GPC6: variants seen among roughly 807,000 people sequenced by gnomAD.
GPC6 encodes glypican-6.
Under a neutral mutation model 55.2 loss-of-function variants are expected in GPC6, and 14 were observed. The ratio of observed to expected loss-of-function variants is 0.25; its 90% CI spans 0.17 to 0.40. The LOEUF is 0.40. Among genes scored for constraint, GPC6 ranks in the 10% least tolerant of loss-of-function variants. The pLI is 1.00. For synonymous variants in GPC6, 278 were observed against 259.6 expected (o/e 1.07, Z -0.68); for missense variants, 641 against 708.5 (o/e 0.90, Z 1.08).
chr13:94,015,843 A>G (rs1260308736), intron 3 of GPC6, among the ~76,000 whole-genome samples: 4 of 152,090 alleles, frequency 2.6e-5, no homozygotes, highest in African/African-American at 2.4e-5. Flanking sequence ...TCTCAGTTCT[A>G]TTTCACTGAT....
At chr13:93,681,741 C>A (rs903745633) in intron 2 of GPC6, among the ~76,000 whole-genome samples, 15 of 152,100 alleles carry the variant, frequency 9.9e-5, no homozygotes, top group African/African-American at 3.6e-4. Context: ...AGAATATGAG[C>A]TGACTTATTG....
Position 94,320,463 on chromosome 13 carries a change from T to C in GPC6, c.1152+14340T>C, listed in dbSNP as rs1876761793. On this transcript the variant is annotated intron_variant, in intron 6 of 8. Transcript: ENST00000377047. ...GTTGTGGGTTTTTTTTGTGTGAGTTTATATTCCTTGGAAATTAATCAATGG... is the reference window on the plus strand; with the variant it reads ...GTTGTGGGTTTTTTTTGTGTGAGTTCATATTCCTTGGAAATTAATCAATGG... 2.0e-5 allele frequency among the ~76,000 whole-genome samples: 3 copies of C among 152,212 alleles called. No individual in the cohort carries two copies. In the South Asian group the frequency reaches 6.2e-4, roughly 32 times the overall value.
At chr13:93,927,395 A>G (rs943743965) in intron 3 of GPC6, among the ~76,000 whole-genome samples, 1 of 152,146 alleles carries the variant, frequency 6.6e-6, no homozygotes, top group Non-Finnish European at 1.5e-5. Flanking sequence ...AAACTTCTTG[A>G]GGTTAACTTG....
At chr13:94,191,121 C>G (rs988298242) in intron 4 of GPC6, among the ~76,000 whole-genome samples, 4 of 152,160 alleles carry the variant, frequency 2.6e-5, no homozygotes, top group African/African-American at 9.7e-5. Context: ...TTTCTTTAAG[C>G]TGCAACGATG....
At chr13:93,837,797 A>G (rs561352492) in intron 3 of GPC6, among the ~76,000 whole-genome samples, 1 of 152,284 alleles carries the variant, frequency 6.6e-6, no homozygotes, top group Non-Finnish European at 1.5e-5. Flanking sequence ...TCCTTGAACC[A>G]TGTGTTAAAG....
At chr13:94,083,339 C>G (rs767292252) in intron 4 of GPC6, among the ~76,000 whole-genome samples, 4 of 152,128 alleles carry the variant, frequency 2.6e-5, no homozygotes, top group Non-Finnish European at 5.9e-5. Context: ...AGGATGGTCT[C>G]GATCTCCTGA....
At chr13:93,915,398 T>C (rs1860829019) in intron 3 of GPC6, among the ~76,000 whole-genome samples, 2 of 152,204 alleles carry the variant, frequency 1.3e-5, no homozygotes, top group Admixed American at 6.5e-5. Context: ...CTTTTCCCTG[T>C]ACACGTCAGC....
intron 4 of GPC6, among the ~76,000 whole-genome samples, chr13:94,180,961 A>G (rs1241373778): frequency 6.6e-6 from 1 of 152,152 alleles, no homozygotes; most frequent in Non-Finnish European, 1.5e-5. Context: ...TTTATCAAGC[A>G]TCAGAAGCAG....
At chr13:94,312,707 C>T (rs1277068959) in intron 6 of GPC6, among the ~76,000 whole-genome samples, 3 of 129,112 alleles carry the variant, frequency 2.3e-5, no homozygotes, top group African/African-American at 8.8e-5. Flanking sequence ...AAGACACACA[C>T]GCACACGCGC....
intron 2 of GPC6, among the ~76,000 whole-genome samples, chr13:93,767,628 T>G (rs192007997): frequency 6.6e-6 from 1 of 152,240 alleles, no homozygotes; most frequent in East Asian, 1.9e-4. Flanking sequence ...TGATGCAAAT[T>G]AAGCACATAC....
intron 4 of GPC6, among the ~76,000 whole-genome samples, chr13:94,120,403 C>A (rs528216053): frequency 1.1e-3 from 162 of 152,162 alleles, no homozygotes; most frequent in African/African-American, 3.8e-3. Context: ...TGATCCTGGC[C>A]TTAGTCACTT....
chr13:93,792,169 C>T (rs1161392108), intron 2 of GPC6, among the ~76,000 whole-genome samples: 1 of 152,254 alleles, frequency 6.6e-6, no homozygotes, highest in Admixed American at 6.5e-5. Flanking sequence ...AAAGCCCCAC[C>T]TTGCCTTCAT....
chr13:93,959,246 T>A (rs1289845239), intron 3 of GPC6, among the ~76,000 whole-genome samples: 3 of 150,800 alleles, frequency 2.0e-5, no homozygotes, highest in Admixed American at 6.6e-5. Flanking sequence ...CACTGCAACC[T>A]CCGCCTCCCG....
chr13:94,005,936 G>GT (rs1191903693), intron 3 of GPC6, among the ~76,000 whole-genome samples: 1 of 152,018 alleles, frequency 6.6e-6, no homozygotes, highest in Admixed American at 6.6e-5. Context: ...TTTAAAAAAA[G>GT]ACTTATTGTA....
intron 2 of GPC6, among the ~76,000 whole-genome samples, chr13:93,633,251 C>T (rs1000386647): frequency 6.6e-6 from 1 of 152,162 alleles, no homozygotes; most frequent in African/African-American, 2.4e-5. Flanking sequence ...AATCATGGGA[C>T]ACTGACTATT....
chr13:93,289,465 G>A (rs1878247543), intron 1 of GPC6, among the ~76,000 whole-genome samples: 1 of 152,140 alleles, frequency 6.6e-6, no homozygotes. Flanking sequence ...GCATTTAAAA[G>A]TAGTATTAGG....
chr13:94,220,820 C>A (rs563844189), intron 4 of GPC6, among the ~76,000 whole-genome samples: 2 of 152,102 alleles, frequency 1.3e-5, no homozygotes, highest in African/African-American at 4.8e-5. Context: ...GAATTGGGGG[C>A]CCATAATACC....
chr13:94,160,226 C>T (rs1888107186), intron 4 of GPC6, among the ~76,000 whole-genome samples: 1 of 152,092 alleles, frequency 6.6e-6, no homozygotes, highest in Non-Finnish European at 1.5e-5. Context: ...CTAATTTATA[C>T]ATTAAACCTT....
chr13:93,325,079 A>T (rs1368704273), intron 1 of GPC6, among the ~76,000 whole-genome samples: 2 of 148,400 alleles, frequency 1.3e-5, no homozygotes, highest in Admixed American at 7.0e-5. Flanking sequence ...AAAACTTAGG[A>T]ATATCTCTGG....
Sources: allele counts gnomAD v4.1 joint callset (sites outside exome capture counted in the v4.1 genomes callset), GRCh38; gene constraint gnomAD v4.1.1; transcripts MANE v1.5; gene names NCBI Gene and HGNC (gene_info 2026-07-23, HGNC 2026-07-21).